Variants in EFCAB11 observed in about 807,000 individuals in gnomAD.
EFCAB11 encodes the protein EF-hand calcium binding domain 11, also known as EF-hand calcium-binding domain-containing protein 11.
Under a neutral mutation model 23.0 loss-of-function variants are expected in EFCAB11, and 14 were observed. The ratio of observed to expected loss-of-function variants is 0.61; its 90% CI spans 0.40 to 0.95. The LOEUF (loss-of-function observed/expected upper bound fraction) is 0.95. Among genes scored for constraint, EFCAB11 ranks in the 40% least tolerant of loss-of-function variants. EFCAB11 has a pLI of 0.00. For synonymous variants in EFCAB11, 65 were observed against 66.6 expected, an observed-to-expected ratio of 0.98 and a Z score of 0.11; for missense variants, 198 against 195.8, an observed-to-expected ratio of 1.01 and a Z score of -0.07.
intron 5 of EFCAB11, among the ~76,000 whole-genome samples, chr14:89,857,167 A>T (rs897624251): frequency 6.6e-6 from 1 of 152,240 alleles, no homozygotes; most frequent in Non-Finnish European, 1.5e-5. Flanking sequence ...TACAGAGAAA[A>T]AGAAGATAAT....
chr14:89,812,184 G>A (rs1330521160), intron 5 of EFCAB11, among the ~76,000 whole-genome samples: 1 of 152,070 alleles, frequency 6.6e-6, no homozygotes, highest in Non-Finnish European at 1.5e-5. Context: ...TAAACTAAAG[G>A]GGGAAAAGAT....
At chr14:89,864,364 A>G (rs1393486901) in intron 5 of EFCAB11, among the ~76,000 whole-genome samples, 1 of 152,006 alleles carries the variant, frequency 6.6e-6, no homozygotes, top group African/African-American at 2.4e-5. Flanking sequence ...TTCCTCTCCC[A>G]TCTGTTTGCT....
At chr14:89,834,406 T>C (rs1257066194) in intron 5 of EFCAB11, among the ~76,000 whole-genome samples, 14 of 114,522 alleles carry the variant, frequency 1.2e-4, no homozygotes, top group Non-Finnish European at 1.5e-4. Context: ...AAAAAAAACC[T>C]TTTTGTTTAA....
At chr14:89,932,367 G>T (rs144104573) in intron 4 of EFCAB11, among the ~76,000 whole-genome samples, 159 bp downstream of exon 4, 1 of 151,900 alleles carries the variant, frequency 6.6e-6, no homozygotes, top group Non-Finnish European at 1.5e-5. Context: ...AAATCACGAC[G>T]GAGAAAAAAA....
At chr14:89,946,733 C>A (rs1309019862) in intron 3 of EFCAB11, among the ~76,000 whole-genome samples, 1 of 131,382 alleles carries the variant, frequency 7.6e-6, no homozygotes, top group African/African-American at 2.8e-5. Context: ...TCATGCCTGG[C>A]TTTTTTTTTT....
chr14:89,924,349 C>T, intron 5 of EFCAB11: 1 of 1,121,448 alleles, frequency 8.9e-7, no homozygotes, highest in Non-Finnish European at 1.1e-6. Flanking sequence ...CACTTTACAT[C>T]ATCATGTGGC....
chr14:89,861,277 C>T (rs1887911602), intron 5 of EFCAB11, among the ~76,000 whole-genome samples: 1 of 152,224 alleles, frequency 6.6e-6, no homozygotes, highest in Non-Finnish European at 1.5e-5. Context: ...CTAACCTTGA[C>T]AATTCTCTTC....
chr14:89,917,801 CA>C (rs1231210903), intron 5 of EFCAB11, among the ~76,000 whole-genome samples: 2 of 152,112 alleles, frequency 1.3e-5, no homozygotes, highest in African/African-American at 4.8e-5. Flanking sequence ...TTGAATTGAG[CA>C]ATAAAGGACT....
chr14:89,950,106 T>C lies in EFCAB11; in HGVS notation c.208A>G (p.Asn70Asp). The change falls in exon 3 of 6, where the codon AAT becomes GAT. Residue 70 changes from asparagine (N) to aspartate (D), a missense_variant. Transcript: ENST00000316738. ...TTAACTTTCATATTACCAGAAGTAT[T>C]TGGATTTATTGAAGACATCACAGAA... ...VDSVMSSINP[N>D]TSGILLEGFL... The C allele has an allele frequency of 6.4e-7, 1 of 1,552,826 alleles. No homozygotes were observed. The highest frequency in any genetic ancestry group is 8.8e-7 in the Non-Finnish European group (1 of 1,137,284).
chr14:89,850,249 G>A (rs1281238635), intron 5 of EFCAB11, among the ~76,000 whole-genome samples: 1 of 152,188 alleles, frequency 6.6e-6, no homozygotes, highest in Non-Finnish European at 1.5e-5. Context: ...CACACACACT[G>A]TGATACAGTA....
intron 5 of EFCAB11, among the ~76,000 whole-genome samples, chr14:89,829,252 A>G (rs570392691): frequency 7.9e-5 from 12 of 152,330 alleles, no homozygotes; most frequent in Admixed American, 2.0e-4. Context: ...ATGTAAATCT[A>G]TGTTTTGTTT....
intron 3 of EFCAB11, among the ~76,000 whole-genome samples, chr14:89,943,754 G>A (rs528557363): frequency 7.2e-4 from 109 of 152,268 alleles, no homozygotes; most frequent in African/African-American, 2.4e-3. Context: ...AGCAATCAGA[G>A]TACAGCAGTG....
chr14:89,835,054 T>A lies in EFCAB11; in HGVS notation c.411-37730A>T, dbSNP rs192049627. ...AGAGGGAAGCAGAAAGTAAAAGACA[T>A]TATGCTTTGATGACTTCTATTTTCT... On this transcript the variant is annotated intron_variant, in intron 5 of 5. Coordinates refer to ENST00000316738, the MANE Select transcript of EFCAB11 (RefSeq NM_145231.4). 2.6e-5 allele frequency among the ~76,000 whole-genome samples: 4 copies of A among 152,266 alleles called. No individual in the cohort carries two copies. The East Asian group carries it at 7.7e-4, about 29-fold the overall frequency.
chr14:89,810,113 T>C (rs929901145), intron 5 of EFCAB11, among the ~76,000 whole-genome samples: 1 of 152,218 alleles, frequency 6.6e-6, no homozygotes, highest in African/African-American at 2.4e-5. Flanking sequence ...GCCTATGAAC[T>C]TGCAGTGGGC....
chr14:89,929,380 A>G (rs1348853985), intron 5 of EFCAB11, among the ~76,000 whole-genome samples: 1 of 151,802 alleles, frequency 6.6e-6, no homozygotes, highest in Non-Finnish European at 1.5e-5. Flanking sequence ...TGTGTGCTAA[A>G]ATCACCACAA....
intron 3 of EFCAB11, among the ~76,000 whole-genome samples, chr14:89,933,868 A>G (rs1452883230): frequency 1.3e-5 from 2 of 152,232 alleles, no homozygotes; most frequent in Admixed American, 1.3e-4. Flanking sequence ...TGACAGAGAG[A>G]GCCCTTCAAG....
intron 5 of EFCAB11, among the ~76,000 whole-genome samples, chr14:89,885,220 T>C (rs966105698): frequency 6.6e-6 from 1 of 152,218 alleles, no homozygotes; most frequent in African/African-American, 2.4e-5. Context: ...TGATAAAATA[T>C]GTGTAAAACT....
intron 5 of EFCAB11, among the ~76,000 whole-genome samples, chr14:89,822,494 C>T (rs1374063246): frequency 6.6e-6 from 1 of 152,108 alleles, no homozygotes; most frequent in Admixed American, 6.5e-5. Context: ...GTCCTCCCAC[C>T]CCACCCTTGG....
intron 5 of EFCAB11, among the ~76,000 whole-genome samples, chr14:89,869,773 A>G (rs1888210433): frequency 6.6e-6 from 1 of 152,224 alleles, no homozygotes; most frequent in Non-Finnish European, 1.5e-5. Flanking sequence ...AGTATTATTT[A>G]TGACAACAAC....
Sources: allele counts gnomAD v4.1 joint callset (sites outside exome capture counted in the v4.1 genomes callset), GRCh38; gene constraint gnomAD v4.1.1; transcripts MANE v1.5; gene names NCBI Gene and HGNC (gene_info 2026-07-23, HGNC 2026-07-21).